Variants in PTDSS1 observed in about 807,000 individuals in gnomAD.
The protein encoded by PTDSS1 is PSS-1.
Under a neutral mutation model 70.5 loss-of-function variants are expected in PTDSS1, and 45 were observed. That is an observed-to-expected ratio of 0.64 (90% CI 0.50 to 0.82). The LOEUF is 0.82. Ranked by LOEUF, PTDSS1 falls within the 40% of genes least tolerant of loss-of-function variation. PTDSS1 has a pLI of 0.00. For synonymous variants in PTDSS1, 188 were observed against 203.8 expected (o/e 0.92, Z 0.66); for missense variants, 417 against 586.1 (o/e 0.71, Z 2.98).
At chr8:96,329,937 G>T (rs1364346845) in intron 10 of PTDSS1, among the ~76,000 whole-genome samples, 2 of 152,178 alleles carry the variant, frequency 1.3e-5, no homozygotes, top group African/African-American at 4.8e-5. Context: ...TCAAGAAAAT[G>T]CATCCCACCA....
intron 9 of PTDSS1, among the ~76,000 whole-genome samples, chr8:96,316,572 G>A (rs1007292782): frequency 1.3e-5 from 2 of 152,142 alleles, no homozygotes; most frequent in Non-Finnish European, 2.9e-5. Context: ...GGGAGGAAGC[G>A]GGGCATGGGT....
chr8:96,301,244 C>T (rs556792892), intron 6 of PTDSS1, among the ~76,000 whole-genome samples: 3 of 152,142 alleles, frequency 2.0e-5, no homozygotes, highest in South Asian at 2.1e-4. Context: ...ACTTCAGGCG[C>T]GTGCCACCAC....
At chr8:96,320,412 G>A in intron 10 of PTDSS1, 67 bp downstream of exon 10, 7 of 1,336,146 alleles carry the variant, frequency 5.2e-6, no homozygotes, top group Non-Finnish European at 6.4e-6. Context: ...AACGGAGGGG[G>A]GCAAAGAAAC....
intron 2 of PTDSS1, among the ~76,000 whole-genome samples, chr8:96,278,708 G>A (rs768609294): frequency 2.0e-5 from 3 of 152,072 alleles, no homozygotes; most frequent in Non-Finnish European, 4.4e-5. Flanking sequence ...TCTCCAGTTG[G>A]CTGGAGATTT....
At chr8:96,275,573 T>G (rs1428082666) in intron 2 of PTDSS1, among the ~76,000 whole-genome samples, 1 of 152,054 alleles carries the variant, frequency 6.6e-6, no homozygotes, top group Non-Finnish European at 1.5e-5. Context: ...CCTTCAAGAG[T>G]GCCGTATTGT....
intron 4 of PTDSS1, among the ~76,000 whole-genome samples, chr8:96,293,689 A>G (rs1238891180): frequency 6.6e-6 from 1 of 152,266 alleles, no homozygotes; most frequent in Non-Finnish European, 1.5e-5. Flanking sequence ...TCCGCATGTC[A>G]AAGCATAGAG....
chr8:96,321,906 C>T lies in PTDSS1; in HGVS notation c.1173+1561C>T, dbSNP rs111917740. The stretch of plus-strand genomic sequence containing the variant: ...GTATATTTTTTCATGTCAGTGAGAC[C>T]AGATGTAAGGAATCGGTTAGGGAAA... On this transcript the variant is annotated intron_variant, in intron 10 of 12. Transcript: ENST00000517309. Among the ~76,000 whole-genome samples, 1,100 of 152,248 alleles carry T rather than the reference C, an allele frequency of 7.2e-3. 19 individuals carry two copies. The highest frequency in any genetic ancestry group is 0.025 in the African/African-American group (1,030 of 41,538).
At chr8:96,331,142 A>G (rs1442614393) in intron 12 of PTDSS1, 47 bp downstream of exon 12, 2 of 1,508,310 alleles carry the variant, frequency 1.3e-6, no homozygotes, top group Non-Finnish European at 1.8e-6. Flanking sequence ...GGTCCTTGAG[A>G]TGTGGAATTA....
chr8:96,296,139 T>A (rs1285262382), intron 5 of PTDSS1, among the ~76,000 whole-genome samples: 37 of 137,734 alleles, frequency 2.7e-4, no homozygotes, highest in African/African-American at 9.7e-4. Flanking sequence ...GTTCTTTTTT[T>A]TTTTTTTTTT....
chr8:96,303,119 G>A (rs543193169), intron 6 of PTDSS1, among the ~76,000 whole-genome samples: 1 of 152,214 alleles, frequency 6.6e-6, no homozygotes, highest in Non-Finnish European at 1.5e-5. Flanking sequence ...TCTTGATCAC[G>A]CTGCATCTCT....
At chr8:96,268,267 A>G (rs892195386) in intron 1 of PTDSS1, among the ~76,000 whole-genome samples, 4 of 152,230 alleles carry the variant, frequency 2.6e-5, no homozygotes, top group Non-Finnish European at 5.9e-5. Context: ...TACCTAAGCT[A>G]CTTAACATTG....
intron 9 of PTDSS1, among the ~76,000 whole-genome samples, chr8:96,318,482 A>G (rs1363504422): frequency 6.6e-6 from 1 of 152,312 alleles, no homozygotes; most frequent in East Asian, 1.9e-4. Flanking sequence ...CGAGCCAAAG[A>G]TGAAATCATC....
chr8:96,276,980 G>GCACACACACACACACACACACACACA (rs57116529), intron 2 of PTDSS1, among the ~76,000 whole-genome samples: 1 of 145,906 alleles, frequency 6.9e-6, no homozygotes, highest in African/African-American at 2.6e-5. Context: ...GCACGCGCGC[G>GCACACACACACACACACACACACACA]CACACACACA....
At chr8:96,285,409 A>G (rs1020267892) in intron 3 of PTDSS1, among the ~76,000 whole-genome samples, 3 of 149,600 alleles carry the variant, frequency 2.0e-5, no homozygotes, top group Non-Finnish European at 4.4e-5. Context: ...GGCCAGGGTA[A>G]AGAGCAGGGC....
chr8:96,271,600 T>C (rs1810566943), intron 1 of PTDSS1, among the ~76,000 whole-genome samples: 1 of 152,218 alleles, frequency 6.6e-6, no homozygotes, highest in African/African-American at 2.4e-5. Flanking sequence ...GCATATGCAT[T>C]TGTAGACTTA....
At position 96,333,818 on chromosome 8, in the gene PTDSS1, G is replaced by A. The variant is rs1811556134; in HGVS notation, c.*252G>A. 5.8e-6 allele frequency: 4 copies of A among 689,126 alleles called. No individual in the cohort carries two copies. The East Asian group carries it at 1.1e-4, about 19-fold the overall frequency. The allele number at this position is 689,126 out of a possible 1,614,324, so 42.7% of individuals were successfully genotyped here. A position where few individuals can be genotyped will look rare whatever the true frequency, so the allele number is the denominator to read the frequency against. On this transcript the variant is annotated 3_prime_UTR_variant, in exon 13 of 13. Transcript: ENST00000517309. ...TTCAGCACTTGACATGCGGTCACCGGTGGCAGCGCGGTGTGTTGAAGGGAA... is the reference window on the plus strand; with the variant it reads ...TTCAGCACTTGACATGCGGTCACCGATGGCAGCGCGGTGTGTTGAAGGGAA...
At chr8:96,309,454 G>A in intron 8 of PTDSS1, 103 bp from the exon 9 acceptor site, 1 of 980,646 alleles carries the variant, frequency 1.0e-6, no homozygotes, top group Non-Finnish European at 1.6e-6. Flanking sequence ...AGCCTGACAT[G>A]GGACAAGGAG....
chr8:96,279,013 C>T lies in PTDSS1; in HGVS notation c.272-5096C>T, dbSNP rs1276909491. Among the ~76,000 whole-genome samples the T allele has an allele frequency of 2.0e-5, 3 of 150,172 alleles. No homozygotes were observed. In the East Asian group the frequency reaches 5.8e-4, roughly 29 times the overall value. On this transcript the variant is annotated intron_variant, in intron 2 of 12. Coordinates refer to ENST00000517309, the MANE Select transcript of PTDSS1 (RefSeq NM_014754.3). ...TTTTGAGACAGAGTCTCACTCTGCC[C>T]AGGCTGGAGTGCAGTAGCACAATCT...
intron 4 of PTDSS1, among the ~76,000 whole-genome samples, chr8:96,291,520 C>T (rs1810904319): frequency 6.6e-6 from 1 of 150,608 alleles, no homozygotes; most frequent in South Asian, 2.1e-4. Context: ...GACATTTCTG[C>T]AGTCGCTTCG....
Sources: allele counts gnomAD v4.1 joint callset (sites outside exome capture counted in the v4.1 genomes callset), GRCh38; gene constraint gnomAD v4.1.1; transcripts MANE v1.5; gene names NCBI Gene and HGNC (gene_info 2026-07-23, HGNC 2026-07-21).